Variants in OPA1 observed in about 807,000 individuals in gnomAD.
OPA1 encodes the protein dynamin-like GTPase OPA1, mitochondrial.
OPA1 carries 59 observed loss-of-function variants against 152.9 expected under a neutral mutation model. That is an observed-to-expected ratio of 0.39 (90% CI 0.31 to 0.48). The LOEUF is 0.48. Ranked by LOEUF, OPA1 falls within the 20% of genes least tolerant of loss-of-function variation. The pLI is 0.96. For missense variants in OPA1, 1,008 were observed against 1,216.8 expected (o/e 0.83, Z 2.55); for synonymous variants, 400 against 389.9 (o/e 1.03, Z -0.31).
intron 29 of OPA1, among the ~76,000 whole-genome samples, chr3:193,676,773 G>T (rs956781340): frequency 6.6e-6 from 1 of 152,096 alleles, no homozygotes; most frequent in Non-Finnish European, 1.5e-5. Flanking sequence ...AAGGTCAGGA[G>T]ATCCAGACCA....
chr3:193,596,958 A>G (rs1396515876), intron 1 of OPA1: 1 of 152,224 alleles, frequency 6.6e-6, no homozygotes, highest in Non-Finnish European at 1.5e-5. Context: ...TGAGTTCCAC[A>G]CTGAGATCAA....
At chr3:193,615,424 T>A (rs1728867448) in intron 2 of OPA1, among the ~76,000 whole-genome samples, 1 of 152,170 alleles carries the variant, frequency 6.6e-6, no homozygotes. Context: ...CACAGTAATA[T>A]TTAGGGCAAA....
chr3:193,653,659 A>G (rs543878342), intron 21 of OPA1, among the ~76,000 whole-genome samples: 1 of 152,318 alleles, frequency 6.6e-6, no homozygotes, highest in African/African-American at 2.4e-5. Flanking sequence ...TGAATTATTG[A>G]AAAATTTTAT....
chr3:193,690,876 C>T (rs914533142), intron 29 of OPA1, among the ~76,000 whole-genome samples: 1 of 152,066 alleles, frequency 6.6e-6, no homozygotes, highest in Non-Finnish European at 1.5e-5. Flanking sequence ...GTTAAATTAC[C>T]TTAAAAGAAC....
intron 29 of OPA1, chr3:193,668,336 C>A (rs1230748140): frequency 6.4e-7 from 1 of 1,551,148 alleles, no homozygotes; most frequent in Admixed American, 2.0e-5. Context: ...TTCCCCAGCT[C>A]GGACTCAACA....
intron 29 of OPA1, among the ~76,000 whole-genome samples, chr3:193,670,650 G>A (rs1010354107): frequency 1.3e-5 from 2 of 152,182 alleles, no homozygotes; most frequent in Non-Finnish European, 2.9e-5. Flanking sequence ...ATAGGCATGA[G>A]CCACCATGCC....
Position 193,654,895 on chromosome 3 carries a change from A to C in OPA1, c.2046A>C (p.Arg682Ser). ...TCCTTCAACAATCTTTGTGGGAAAG[A>C]GTATCAACTCATGTGATTGAAAACA... ...EEILQQSLWE[R>S]VSTHVIENIY... The change falls in exon 22 of 31, where the codon AGA becomes AGC. Residue 682 changes from arginine to serine, a missense_variant. Around this residue, in one of 7 missense-constraint regions of OPA1, gnomAD observed 229 missense variants for 269.0 expected, o/e 0.85. Transcript: ENST00000361510. 1.2e-6 allele frequency: 2 copies of C among 1,613,976 alleles called. No homozygotes were observed. Among genetic ancestry groups the C allele is most frequent in the Non-Finnish European group, 8.5e-7 (1 of 1,179,934 alleles).
rs548026199 is a variant in OPA1 at position 193,643,268 on chromosome 3, G to A, written c.1306-105G>A. 1.1e-4 allele frequency: 110 copies of A among 957,810 alleles called. 1 individual carries two copies. In the South Asian group the frequency reaches 1.5e-3, roughly 13 times the overall value. The allele number at this position is 957,810 out of a possible 1,614,324, so 59.3% of individuals were successfully genotyped here. On this transcript the variant is annotated intron_variant, in intron 13 of 30. Coordinates refer to ENST00000361510, the MANE Select transcript of OPA1 (RefSeq NM_130837.3). ...TACCATTTTTGTGAGCGTCTTATCT[G>A]AATGGATGAGATATAGAATTTTTAG...
At chr3:193,622,360 C>T (rs1176178814) in intron 6 of OPA1, among the ~76,000 whole-genome samples, 1 of 150,892 alleles carries the variant, frequency 6.6e-6, no homozygotes, top group Non-Finnish European at 1.5e-5. Context: ...TCCCAAGTAG[C>T]TGGGATTACA....
intron 29 of OPA1, chr3:193,668,282 A>G: frequency 2.0e-6 from 3 of 1,506,006 alleles, no homozygotes; most frequent in South Asian, 2.4e-5. Context: ...ACGTAACCCA[A>G]CTTGAATGAA....
Position 193,647,115 on chromosome 3 carries a change from C to A in OPA1, c.1805C>A (p.Ala602Glu). 6.2e-7 allele frequency: 1 copy of A among 1,613,318 alleles called. No individual in the cohort carries two copies. Among genetic ancestry groups the A allele is most frequent in the Non-Finnish European group, 8.5e-7 (1 of 1,179,756 alleles). The change falls in exon 19 of 31, where the codon GCA (alanine) becomes GAA (glutamate). Residue 602 changes from alanine (A) to glutamate (E), a missense_variant. Ala to Glu is a moderately radical substitution (Grantham distance 107). Around this residue, in one of 7 missense-constraint regions of OPA1, gnomAD observed 213 missense variants for 291.4 expected, o/e 0.73. Transcript: ENST00000361510. ...GTGACTACAAGAAATTTAAGCCTTG[C>A]AGTATCAGACTGCTTTTGGAAAATG... is the stretch of plus-strand genomic sequence containing the variant. ...HQVTTRNLSL[A>E]VSDCFWKMVR...
intron 21 of OPA1, among the ~76,000 whole-genome samples, chr3:193,650,311 T>C (rs1712080024): frequency 1.3e-5 from 2 of 152,318 alleles, no homozygotes; most frequent in South Asian, 2.1e-4. Flanking sequence ...TGCCGGATCA[T>C]ATATGATTCT....
chr3:193,676,895 G>A (rs1293473607), intron 29 of OPA1, among the ~76,000 whole-genome samples: 6 of 149,536 alleles, frequency 4.0e-5, no homozygotes, highest in Non-Finnish European at 8.9e-5. Flanking sequence ...GCAGGAGAAT[G>A]GCGTGAACCT....
chr3:193,646,955 A>T, intron 18 of OPA1, 110 bp from the exon 19 acceptor site: 2 of 690,760 alleles, frequency 2.9e-6, no homozygotes, highest in Non-Finnish European at 5.1e-6. Flanking sequence ...CAGCACTGGT[A>T]TGAAAGGTAA....
chr3:193,638,449 A>C (rs371347303), intron 11 of OPA1, among the ~76,000 whole-genome samples: 38 of 152,362 alleles, frequency 2.5e-4, no homozygotes, highest in African/African-American at 8.9e-4. Flanking sequence ...AATTAAGGGA[A>C]GGTTTTTAAC....
chr3:193,691,317 CA>C (rs1237270728), intron 29 of OPA1: 1 of 152,172 alleles, frequency 6.6e-6, no homozygotes, highest in African/African-American at 2.4e-5. Flanking sequence ...GAGCAGTTCA[CA>C]TTTGTGGAGG....
At chr3:193,629,457 G>A (rs550354104) in intron 7 of OPA1, among the ~76,000 whole-genome samples, 5 of 151,840 alleles carry the variant, frequency 3.3e-5, no homozygotes, top group South Asian at 4.2e-4. Context: ...CCAGCACTTT[G>A]GGAGGCTGAG....
At chr3:193,690,470 G>C (rs1721533855) in intron 29 of OPA1, among the ~76,000 whole-genome samples, 3 of 151,728 alleles carry the variant, frequency 2.0e-5, no homozygotes, top group Admixed American at 2.0e-4. Flanking sequence ...AGTCTAGCCT[G>C]GGCAACATAG....
chr3:193,672,245 A>G (rs192580610), intron 29 of OPA1, among the ~76,000 whole-genome samples: 15 of 152,332 alleles, frequency 9.8e-5, no homozygotes, highest in African/African-American at 3.4e-4. Flanking sequence ...CATAAAATCT[A>G]TCTTATGATT....
Sources: gnomAD v4.1 joint callset for allele counts (sites outside exome capture counted in the v4.1 genomes callset) on GRCh38, gnomAD v4.1.1 for gene constraint, gnomAD v4.1.1 regional missense constraint, MANE v1.5 for transcripts, NCBI Gene and HGNC (gene_info 2026-07-23, HGNC 2026-07-21) for gene names.